Variants in EPHA6 observed in about 807,000 individuals in gnomAD.
The protein encoded by EPHA6 is EPH receptor A6, also known as ephrin type-A receptor 6.
EPHA6 carries 50 observed loss-of-function variants against 112.0 expected under a neutral mutation model. The ratio of observed to expected loss-of-function variants is 0.45; its 90% confidence interval spans 0.36 to 0.56. EPHA6 has a LOEUF of 0.56. Ranked by LOEUF, EPHA6 falls within the 20% of genes least tolerant of loss-of-function variation. The pLI, the probability that EPHA6 is intolerant of heterozygous loss-of-function variation, is 0.00. For synonymous variants in EPHA6, 529 were observed against 490.7 expected, an observed-to-expected ratio of 1.08 and a Z score of -1.03; for missense variants, 1,280 against 1,417.4, an observed-to-expected ratio of 0.90 and a Z score of 1.56.
chr3:97,185,215 G>GAAT (rs1559782251), intron 3 of EPHA6, among the ~76,000 whole-genome samples: 2 of 152,086 alleles, frequency 1.3e-5, no homozygotes, highest in African/African-American at 2.4e-5. Context: ...ATTGACAAAC[G>GAAT]GGATCTAATT....
At chr3:97,107,688 CAG>C (rs1406364352) in intron 3 of EPHA6, among the ~76,000 whole-genome samples, 1 of 152,050 alleles carries the variant, frequency 6.6e-6, no homozygotes, top group East Asian at 1.9e-4. Flanking sequence ...CAATCTTTTT[CAG>C]AGTCTATTTC....
chr3:97,705,268 C>G (rs574151460), intron 14 of EPHA6, among the ~76,000 whole-genome samples: 2 of 152,136 alleles, frequency 1.3e-5, no homozygotes, highest in Middle Eastern at 3.4e-3. Context: ...CCCACATTTC[C>G]CATCCCCTCC....
chr3:97,544,972 T>C (rs547816937), intron 11 of EPHA6, among the ~76,000 whole-genome samples: 3 of 152,332 alleles, frequency 2.0e-5, no homozygotes, highest in South Asian at 4.1e-4. Flanking sequence ...TTATTAGGCT[T>C]GCTAGTGGTC....
chr3:97,289,718 T>G (rs1408746685), intron 5 of EPHA6, among the ~76,000 whole-genome samples: 1 of 152,158 alleles, frequency 6.6e-6, no homozygotes, highest in Non-Finnish European at 1.5e-5. Flanking sequence ...TCCATTTGTT[T>G]GTGTCATCTC....
chr3:96,984,530 T>A (rs1262448964), intron 2 of EPHA6, among the ~76,000 whole-genome samples: 1 of 151,504 alleles, frequency 6.6e-6, no homozygotes, highest in Non-Finnish European at 1.5e-5. Flanking sequence ...AGTCTGTCCA[T>A]TCTCAGATCT....
At chr3:97,747,381 T>C in intron 16 of EPHA6, 42 bp from the exon 17 acceptor site, 1 of 1,438,840 alleles carries the variant, frequency 7.0e-7, no homozygotes, top group Non-Finnish European at 9.2e-7. Context: ...TATTTGGCTT[T>C]TAAATGCTCT....
At chr3:97,146,988 A>G (rs2076058341) in intron 3 of EPHA6, among the ~76,000 whole-genome samples, 1 of 152,068 alleles carries the variant, frequency 6.6e-6, no homozygotes, top group Non-Finnish European at 1.5e-5. Context: ...ATCAGTAGGG[A>G]AAATAATCCT....
intron 5 of EPHA6, among the ~76,000 whole-genome samples, chr3:97,248,858 T>C (rs1397308055): frequency 2.6e-5 from 4 of 152,156 alleles, no homozygotes; most frequent in African/African-American, 9.6e-5. Context: ...AGAAATACAG[T>C]CTATTTCAAA....
At chr3:97,614,501 ATT>A (rs35126699) in intron 13 of EPHA6, among the ~76,000 whole-genome samples, 21 of 98,228 alleles carry the variant, frequency 2.1e-4, no homozygotes, top group African/African-American at 6.1e-4. Context: ...CACCCAGCTA[ATT>A]TTTTTTTTTT....
At chr3:97,634,669 C>T (rs374800006) in intron 13 of EPHA6, among the ~76,000 whole-genome samples, 13 of 152,032 alleles carry the variant, frequency 8.6e-5, no homozygotes, top group African/African-American at 2.7e-4. Flanking sequence ...CCCCTTTACA[C>T]GAGCAGCCTG....
chr3:97,134,037 T>C (rs1337010233), intron 3 of EPHA6, among the ~76,000 whole-genome samples: 1 of 151,914 alleles, frequency 6.6e-6, no homozygotes, highest in Non-Finnish European at 1.5e-5. Flanking sequence ...TTTCATGAAA[T>C]TTTAAAAAAA....
intron 3 of EPHA6, among the ~76,000 whole-genome samples, chr3:97,193,075 T>C (rs2077431160): frequency 6.6e-6 from 1 of 152,152 alleles, no homozygotes; most frequent in Non-Finnish European, 1.5e-5. Flanking sequence ...GGTAATGTGA[T>C]TCCTCCAGTT....
intron 2 of EPHA6, among the ~76,000 whole-genome samples, chr3:96,958,049 T>A (rs967093226): frequency 1.3e-5 from 2 of 152,336 alleles, no homozygotes; most frequent in South Asian, 4.1e-4. Context: ...CAACTACTCA[T>A]TGAATATTAG....
At chr3:97,638,563 T>G (rs981875312) in intron 14 of EPHA6, among the ~76,000 whole-genome samples, 2 of 152,182 alleles carry the variant, frequency 1.3e-5, no homozygotes, top group African/African-American at 4.8e-5. Context: ...ATAAGTACAC[T>G]CTAAACCTTT....
rs149932367 is a variant in EPHA6, at chr3:96,971,719, G to A, written c.451-15611G>A. ...TGCAGAATTACAGAATGAGATACCC[G>A]TGTACATTCAACAACCTTAGTTTAT... On this transcript the variant is annotated intron_variant, in intron 2 of 17. Transcript: ENST00000389672. 2.3e-3 allele frequency among the ~76,000 whole-genome samples: 348 copies of A among 152,164 alleles called. 1 individual carries two copies. Among genetic ancestry groups the A allele is most frequent in the African/African-American group, 7.8e-3 (325 of 41,526 alleles).
intron 2 of EPHA6, among the ~76,000 whole-genome samples, chr3:96,926,669 A>G (rs1243729727): frequency 6.6e-6 from 1 of 152,254 alleles, no homozygotes; most frequent in Non-Finnish European, 1.5e-5. Flanking sequence ...AAGTCCAAAC[A>G]TTAGCATGGC....
intron 5 of EPHA6, among the ~76,000 whole-genome samples, chr3:97,289,643 T>G (rs2080608083): frequency 6.6e-6 from 1 of 152,162 alleles, no homozygotes; most frequent in South Asian, 2.1e-4. Flanking sequence ...ATCTGTATGT[T>G]GCTTTGGGAA....
At chr3:97,740,701 T>C (rs937113750) in intron 16 of EPHA6, among the ~76,000 whole-genome samples, 2 of 152,182 alleles carry the variant, frequency 1.3e-5, no homozygotes, top group Non-Finnish European at 2.9e-5. Context: ...GACTGAATAG[T>C]ACTATCTCTC....
intron 3 of EPHA6, among the ~76,000 whole-genome samples, chr3:97,162,515 A>T (rs2076438326): frequency 6.6e-6 from 1 of 152,158 alleles, no homozygotes; most frequent in Admixed American, 6.6e-5. Context: ...TAACTGGTAG[A>T]CCATAGCCAT....
Sources: gnomAD v4.1 joint callset for allele counts (sites outside exome capture counted in the v4.1 genomes callset) on GRCh38, gnomAD v4.1.1 for gene constraint, MANE v1.5 for transcripts, NCBI Gene and HGNC (gene_info 2026-07-23, HGNC 2026-07-21) for gene names.